PISD: variants seen among roughly 807,000 people sequenced by gnomAD.
PISD encodes the protein phosphatidylserine decarboxylase.
A neutral mutation model predicts 43.5 loss-of-function variants in PISD; 31 were observed. The observed-to-expected ratio is 0.71, with a 90% CI of 0.54 to 0.96. PISD has a LOEUF of 0.96. Ranked by LOEUF, PISD falls within the 40% of genes least tolerant of loss-of-function variation. PISD has a pLI of 0.00. For missense variants in PISD, 523 were observed against 548.4 expected (o/e 0.95, Z 0.46); for synonymous variants, 259 against 228.7 (o/e 1.13, Z -1.20).
intron 1 of PISD, among the ~76,000 whole-genome samples, chr22:31,651,634 G>C (rs1049320081): frequency 6.6e-6 from 1 of 152,058 alleles, no homozygotes; most frequent in African/African-American, 2.4e-5. Flanking sequence ...TGTAATCCCA[G>C]CTACTTGGGA....
Position 31,650,737 on chromosome 22 carries a change from T to C in PISD, c.107A>G (p.Gln36Arg). The C allele has an allele frequency of 6.4e-7, 1 of 1,556,476 alleles. No individual in the cohort carries two copies. The highest frequency in any genetic ancestry group is 1.2e-5 in the South Asian group (1 of 84,394). ...TCTAAAAGGCAGCTTCCGTAAGGGC[T>C]GTAGGGATTGGCTCAGGGCAGTGAT... ...CEITALSQSL[Q>R]PLRKLPFRAF... Residue 36 changes from glutamine (Q) to arginine (R), a missense_variant, in exon 2 of 8, where the codon CAG (glutamine) becomes CGG (arginine). Coordinates refer to ENST00000439502, the MANE Select transcript of PISD (RefSeq NM_001326411.2).
At chr22:31,632,096 G>C (rs537522176) in intron 3 of PISD, 1 of 216,394 alleles carries the variant, frequency 4.6e-6, no homozygotes, top group African/African-American at 2.3e-5. Flanking sequence ...AGGGTCTGTA[G>C]GGCTTGCGGA....
intron 3 of PISD, among the ~76,000 whole-genome samples, chr22:31,637,324 C>CT (rs1161231403): frequency 6.7e-6 from 1 of 148,482 alleles, no homozygotes; most frequent in Non-Finnish European, 1.5e-5. Flanking sequence ...GATCACACCG[C>CT]TACACTCCAG....
intron 3 of PISD, among the ~76,000 whole-genome samples, chr22:31,622,459 G>T (rs1271423141): frequency 5.9e-5 from 9 of 152,214 alleles, no homozygotes; most frequent in Admixed American, 5.9e-4. Flanking sequence ...ACCTGGGCCT[G>T]AGCTGCAGAC....
At chr22:31,622,440 G>A (rs1232278393) in intron 3 of PISD, among the ~76,000 whole-genome samples, 1 of 152,222 alleles carries the variant, frequency 6.6e-6, no homozygotes, top group Non-Finnish European at 1.5e-5. Flanking sequence ...GGTCTGCGAT[G>A]TCACTGTCAC....
intron 3 of PISD, among the ~76,000 whole-genome samples, chr22:31,633,246 AG>A (rs2073280747): frequency 6.6e-6 from 1 of 152,180 alleles, no homozygotes; most frequent in South Asian, 2.1e-4. Flanking sequence ...CAGTTAGACC[AG>A]GGGAGAAAGG....
intron 3 of PISD, among the ~76,000 whole-genome samples, chr22:31,636,079 C>T (rs771477803): frequency 3.3e-5 from 5 of 152,184 alleles, no homozygotes; most frequent in Admixed American, 6.5e-5. Context: ...AGAACACGTC[C>T]GATACTGCCC....
In PISD at chr22:31,633,065, T is replaced by C. The variant is rs549921972; in HGVS notation, c.322-11180A>G. ...CACCTCAGAGGTCCAAGGAAACACA[T>C]GACATGGGATAAAATGCAATTAAAG... On this transcript the variant is annotated intron_variant, in intron 3 of 7. Transcript: ENST00000439502. Among the ~76,000 whole-genome samples, 3 of 152,250 alleles carry C rather than the reference T, an allele frequency of 2.0e-5. No homozygotes were observed. In the East Asian group the frequency reaches 5.8e-4, roughly 29 times the overall value.
chr22:31,620,784 C>T, intron 6 of PISD, 71 bp from the exon 7 acceptor site: 2 of 1,570,618 alleles, frequency 1.3e-6, no homozygotes, highest in Non-Finnish European at 8.7e-7. Context: ...AGCCAAGACC[C>T]AAAGGGACTC....
chr22:31,634,834 CAAAAAAAA>C (rs33999998), intron 3 of PISD, among the ~76,000 whole-genome samples: 9 of 81,118 alleles, frequency 1.1e-4, no homozygotes, highest in African/African-American at 4.1e-4. Context: ...GACTCCATCT[CAAAAAAAA>C]AAAAAAAAAA....
intron 3 of PISD, among the ~76,000 whole-genome samples, chr22:31,637,346 G>GA (rs1019303889): frequency 1.3e-5 from 2 of 149,970 alleles, no homozygotes; most frequent in Non-Finnish European, 3.0e-5. Flanking sequence ...CTGGGCAACA[G>GA]AGCAAGACTC....
chr22:31,620,989 G>A lies in PISD; in HGVS notation c.844+7C>T, dbSNP rs745996553. On this transcript the variant is annotated splice_region_variant and intron_variant, in intron 6 of 7. Transcript: ENST00000439502. ...GGCAGCTCCCCCCACGCTGGCCCCG[G>A]GCTGACCTGGGAAGTGGCGCCGGTG... 1.1e-5 allele frequency: 17 copies of A among 1,610,314 alleles called. No individual in the cohort carries two copies. Among genetic ancestry groups the A allele is most frequent in the Non-Finnish European group, 1.4e-5 (17 of 1,178,366 alleles).
chr22:31,654,269 A>G (rs553890508), intron 1 of PISD, among the ~76,000 whole-genome samples: 4 of 151,456 alleles, frequency 2.6e-5, no homozygotes, highest in Non-Finnish European at 4.4e-5. Context: ...TTTTTTTCCT[A>G]TTTCTCTGGT....
chr22:31,656,601 A>T (rs1276314109), intron 1 of PISD, among the ~76,000 whole-genome samples: 1 of 151,306 alleles, frequency 6.6e-6, no homozygotes. Context: ...GGGAGCCGAG[A>T]TCGCACACTG....
chr22:31,620,424 G>A (rs2072478434), intron 7 of PISD, 129 bp downstream of exon 7: 2 of 886,332 alleles, frequency 2.3e-6, no homozygotes, highest in East Asian at 5.3e-5. Context: ...CTGCTCAGCA[G>A]AGCCAGGCCT....
intron 3 of PISD, among the ~76,000 whole-genome samples, chr22:31,643,648 G>A (rs1394081596): frequency 2.6e-5 from 4 of 152,132 alleles, no homozygotes; most frequent in African/African-American, 9.7e-5. Context: ...AGTGGCTCAT[G>A]CCTGTAATTC....
chr22:31,623,945 G>T, intron 3 of PISD: 1 of 1,187,510 alleles, frequency 8.4e-7, no homozygotes, highest in Non-Finnish European at 1.2e-6. Flanking sequence ...GATTCCTCCT[G>T]TCTACCCACC....
intron 3 of PISD, among the ~76,000 whole-genome samples, chr22:31,624,716 C>T (rs1366770429): frequency 3.3e-5 from 2 of 59,812 alleles, no homozygotes; most frequent in East Asian, 2.4e-4. Flanking sequence ...AAGGTGGACA[C>T]ACACACACAC....
At chr22:31,628,511 T>G (rs2073027267) in intron 3 of PISD, among the ~76,000 whole-genome samples, 1 of 152,206 alleles carries the variant, frequency 6.6e-6, no homozygotes, top group Non-Finnish European at 1.5e-5. Flanking sequence ...GAGAGGAGTT[T>G]AGGGTTGTGA....
Sources: allele counts gnomAD v4.1 joint callset (sites outside exome capture counted in the v4.1 genomes callset), GRCh38; gene constraint gnomAD v4.1.1; transcripts MANE v1.5; gene names NCBI Gene and HGNC (gene_info 2026-07-23, HGNC 2026-07-21).